The following TMC1 variants were observed in gnomAD, a reference collection of about 807,000 sequenced individuals.
The protein encoded by TMC1 is transmembrane channel-like protein 1.
A neutral mutation model predicts 105.8 loss-of-function variants in TMC1; 84 were observed. The observed-to-expected ratio is 0.79, with a 90% CI of 0.67 to 0.95. The LOEUF (loss-of-function observed/expected upper bound fraction) is 0.95, where lower values mean the gene tolerates loss of function less well. TMC1 is among the 40% of genes least tolerant of loss of function. TMC1 has a pLI of 0.00. For synonymous variants in TMC1, 315 were observed against 311.5 expected, an observed-to-expected ratio of 1.01 and a Z score of -0.12; for missense variants, 817 against 914.1, an observed-to-expected ratio of 0.89 and a Z score of 1.37.
intron 12 of TMC1, among the ~76,000 whole-genome samples, chr9:72,758,368 C>G (rs911177541): frequency 6.6e-6 from 1 of 152,064 alleles, no homozygotes; most frequent in African/African-American, 2.4e-5. Context: ...AATTATTAAA[C>G]TGAAGATAAC....
chr9:72,772,586 T>C (rs946755337), intron 13 of TMC1, 31 bp downstream of exon 13: 4 of 1,613,334 alleles, frequency 2.5e-6, no homozygotes, highest in Non-Finnish European at 3.4e-6. Context: ...GGGAAGCAAA[T>C]AATGATTTCT....
chr9:72,794,079 C>T (rs907985001), intron 17 of TMC1, among the ~76,000 whole-genome samples: 2 of 151,980 alleles, frequency 1.3e-5, no homozygotes, highest in African/African-American at 2.4e-5. Context: ...TCCTACCTAC[C>T]CCCACCCCCC....
chr9:72,718,716 A>C (rs1826964359), intron 8 of TMC1, among the ~76,000 whole-genome samples: 1 of 152,182 alleles, frequency 6.6e-6, no homozygotes, highest in Non-Finnish European at 1.5e-5. Context: ...AGAGTACGTC[A>C]GCTGTGGTAG....
At position 72,758,430 on chromosome 9, in the gene TMC1, C is replaced by T. The variant is rs139138898; in HGVS notation, c.741+3546C>T. 1.9e-4 allele frequency among the ~76,000 whole-genome samples: 29 copies of T among 152,250 alleles called. No homozygotes were observed. The South Asian group carries it at 3.9e-3, about 21-fold the overall frequency. On this transcript the variant is annotated intron_variant, in intron 12 of 23. Transcript: ENST00000297784. Reference sequence around the variant, plus strand: ...ATTTAAAATATAGGAGATTTGGTTTCACAGTAAAAATCCAAAAGAATAAAG... The same window carrying T: ...ATTTAAAATATAGGAGATTTGGTTTTACAGTAAAAATCCAAAAGAATAAAG...
At chr9:72,634,301 G>A (rs564202776) in intron 4 of TMC1, among the ~76,000 whole-genome samples, 12 of 152,242 alleles carry the variant, frequency 7.9e-5, no homozygotes, top group African/African-American at 2.9e-4. Context: ...TTTGACAATA[G>A]TGATTTTATC....
intron 1 of TMC1, among the ~76,000 whole-genome samples, chr9:72,575,260 A>G (rs1824360180): frequency 6.6e-6 from 1 of 151,968 alleles, no homozygotes; most frequent in African/African-American, 2.4e-5. Flanking sequence ...GGCTCACTGC[A>G]ACCTCTGCCT....
chr9:72,549,771 C>T (rs1221354633), intron 1 of TMC1, among the ~76,000 whole-genome samples: 2 of 152,124 alleles, frequency 1.3e-5, no homozygotes, highest in East Asian at 1.9e-4. Flanking sequence ...CCACCATGCC[C>T]GGCTGATTTT....
At chr9:72,765,182 C>T (rs1212710041) in intron 12 of TMC1, among the ~76,000 whole-genome samples, 2 of 152,134 alleles carry the variant, frequency 1.3e-5, no homozygotes, top group Admixed American at 6.5e-5. Context: ...ACCTCTAGGG[C>T]AACTTATTTC....
chr9:72,835,206 A>C (rs768438859), intron 23 of TMC1, among the ~76,000 whole-genome samples: 17 of 152,172 alleles, frequency 1.1e-4, no homozygotes, highest in Non-Finnish European at 2.5e-4. Flanking sequence ...GTTCAATTCA[A>C]TGTATTTACC....
chr9:72,740,726 T>G (rs1440379909), intron 9 of TMC1, among the ~76,000 whole-genome samples: 1 of 152,234 alleles, frequency 6.6e-6, no homozygotes, highest in Non-Finnish European at 1.5e-5. Flanking sequence ...TAAAGTTATA[T>G]TTAATTCTTA....
chr9:72,783,702 A>G (rs1337944008), intron 13 of TMC1, among the ~76,000 whole-genome samples: 3 of 152,178 alleles, frequency 2.0e-5, no homozygotes, highest in Admixed American at 6.5e-5. Context: ...ACATAGACCA[A>G]TGGAATAAGT....
chr9:72,817,656 C>A (rs899407365), intron 19 of TMC1, among the ~76,000 whole-genome samples: 1 of 152,302 alleles, frequency 6.6e-6, no homozygotes, highest in South Asian at 2.1e-4. Context: ...AGAGTTAAGA[C>A]AACAGATTGG....
chr9:72,526,046 A>G (rs2132053711), intron 1 of TMC1, among the ~76,000 whole-genome samples: 1 of 152,054 alleles, frequency 6.6e-6, no homozygotes, highest in South Asian at 2.1e-4. Context: ...ACAGAGTGTC[A>G]TTCGCTAATC....
intron 8 of TMC1, among the ~76,000 whole-genome samples, chr9:72,712,315 G>T (rs1358506774): frequency 2.6e-5 from 4 of 152,056 alleles, no homozygotes; most frequent in Non-Finnish European, 4.4e-5. Context: ...GAAAGTCAAT[G>T]GTAGTTTGAT....
intron 21 of TMC1, among the ~76,000 whole-genome samples, chr9:72,828,583 A>G (rs1351374555): frequency 6.6e-6 from 1 of 152,226 alleles, no homozygotes; most frequent in African/African-American, 2.4e-5. Flanking sequence ...AGGAATTCAC[A>G]CTGCCTTTGT....
chr9:72,632,765 G>T (rs936125448), intron 4 of TMC1, among the ~76,000 whole-genome samples: 1 of 152,036 alleles, frequency 6.6e-6, no homozygotes, highest in African/African-American at 2.4e-5. Flanking sequence ...TTAATTGTAA[G>T]GTTTTTACAA....
chr9:72,787,012 G>A (rs1828178373), intron 13 of TMC1, among the ~76,000 whole-genome samples: 3 of 145,108 alleles, frequency 2.1e-5, no homozygotes, highest in African/African-American at 5.1e-5. Context: ...AACCCTTTTG[G>A]CCTCCAAAAA....
intron 5 of TMC1, among the ~76,000 whole-genome samples, chr9:72,669,275 C>T (rs1826091302): frequency 6.6e-6 from 1 of 152,086 alleles, no homozygotes; most frequent in Non-Finnish European, 1.5e-5. Context: ...CACCACTGCA[C>T]TCCAGCCTGG....
intron 8 of TMC1, among the ~76,000 whole-genome samples, chr9:72,726,858 A>G (rs1179467610): frequency 6.6e-6 from 1 of 152,238 alleles, no homozygotes. Flanking sequence ...GCACACAGGT[A>G]TTGTGTTGAA....
Sources: allele counts gnomAD v4.1 joint callset (sites outside exome capture counted in the v4.1 genomes callset), GRCh38; gene constraint gnomAD v4.1.1; transcripts MANE v1.5; gene names NCBI Gene and HGNC (gene_info 2026-07-23, HGNC 2026-07-21).